The following SEC31A variants were observed in gnomAD, a reference collection of about 807,000 sequenced individuals.
The protein encoded by SEC31A is SEC31 homolog A, COPII component, also known as protein transport protein Sec31A.
SEC31A carries 70 observed loss-of-function variants against 151.0 expected under a neutral mutation model. The observed-to-expected ratio is 0.46, with a 90% confidence interval of 0.38 to 0.57. The LOEUF is 0.57. Ranked by LOEUF, SEC31A falls within the 20% of genes least tolerant of loss-of-function variation. SEC31A has a pLI of 0.00. For missense variants in SEC31A, 1,330 were observed against 1,471.2 expected, an observed-to-expected ratio of 0.90 and a Z score of 1.57; for synonymous variants, 475 against 505.9, an observed-to-expected ratio of 0.94 and a Z score of 0.82.
chr4:82,890,438 T>C (rs1442108266), intron 1 of SEC31A, among the ~76,000 whole-genome samples: 1 of 152,170 alleles, frequency 6.6e-6, no homozygotes, highest in African/African-American at 2.4e-5. Flanking sequence ...CTACGTAAAA[T>C]TAATTCCTTA....
rs1722802309 is a variant in SEC31A at position 82,819,244 on chromosome 4, T to C, written c.3493A>G (p.Thr1165Ala). 3.2e-6 allele frequency: 5 copies of C among 1,571,280 alleles called. No homozygotes were observed. Among genetic ancestry groups the C allele is most frequent in the South Asian group, 1.2e-5 (1 of 81,418 alleles). ...ATGTTGTGTAAACCACTGGTGATTG[T>C]TGGTGAAAGCTGAAACAAAAGTGAA... ...DKLREQTLSP[T>A]ITSGLHNIAR... The change falls in exon 27 of 27, where the codon ACA (threonine) becomes GCA (alanine). Residue 1165 changes from threonine (T) to alanine (A), a missense_variant. By Grantham distance (58) the Thr-to-Ala change is moderately conservative. Transcript: ENST00000395310.
At chr4:82,849,011 G>A in intron 19 of SEC31A, 34 bp from the exon 20 acceptor site, 1 of 1,587,728 alleles carries the variant, frequency 6.3e-7, no homozygotes, top group Non-Finnish European at 8.6e-7. Flanking sequence ...AGACTGTTGA[G>A]AGTTCACCCA....
At chr4:82,822,500 T>A (rs949510189) in intron 25 of SEC31A, among the ~76,000 whole-genome samples, 1 of 152,178 alleles carries the variant, frequency 6.6e-6, no homozygotes, top group African/African-American at 2.4e-5. Flanking sequence ...AATGCCAGTG[T>A]GCTTGGAGAA....
chr4:82,819,514 C>T (rs1021349433), intron 26 of SEC31A, among the ~76,000 whole-genome samples: 1 of 152,068 alleles, frequency 6.6e-6, no homozygotes, highest in African/African-American at 2.4e-5. Context: ...AAAAGCAGCC[C>T]GATTTCCTCT....
chr4:82,885,317 G>A (rs1368304016), intron 1 of SEC31A, among the ~76,000 whole-genome samples: 1 of 151,582 alleles, frequency 6.6e-6, no homozygotes, highest in Non-Finnish European at 1.5e-5. Flanking sequence ...AATATCTTTG[G>A]GTAATAATTT....
chr4:82,895,435 A>T (rs1161869759), upstream of SEC31A: 1 of 152,238 alleles, frequency 6.6e-6, no homozygotes, highest in Admixed American at 6.5e-5. Flanking sequence ...GCGCCGCTGC[A>T]CTCCAGCCTG....
chr4:82,860,954 C>A (rs1475065158), intron 14 of SEC31A, among the ~76,000 whole-genome samples: 1 of 150,724 alleles, frequency 6.6e-6, no homozygotes, highest in East Asian at 1.9e-4. Flanking sequence ...CAAGATATCA[C>A]AAAGAACAAT....
At chr4:82,868,672 C>T (rs1735947937) in intron 8 of SEC31A, among the ~76,000 whole-genome samples, 1 of 152,208 alleles carries the variant, frequency 6.6e-6, no homozygotes, top group East Asian at 1.9e-4. Context: ...TTAACTCTGG[C>T]TTCATGTGAC....
At position 82,861,625 on chromosome 4, in the gene SEC31A, A is replaced by G. The variant is rs1411290017; in HGVS notation, c.1626+6T>C. Reference sequence around the variant, plus strand: ...GTCCAATATAATATGAAAAAAAAATAAGTACCTCTCCCAAGAGCTGCTCTT... The same window carrying G: ...GTCCAATATAATATGAAAAAAAAATGAGTACCTCTCCCAAGAGCTGCTCTT... On this transcript the variant is annotated splice_donor_region_variant and intron_variant, in intron 14 of 26. Coordinates refer to ENST00000395310, the MANE Select transcript of SEC31A (RefSeq NM_001077207.4). 1.9e-6 allele frequency: 3 copies of G among 1,583,854 alleles called. No homozygotes were observed. Among genetic ancestry groups the G allele is most frequent in the Admixed American group, 1.7e-5 (1 of 58,030 alleles).
At chr4:82,882,318 G>T (rs970615990) in intron 1 of SEC31A, among the ~76,000 whole-genome samples, 2 of 147,880 alleles carry the variant, frequency 1.4e-5, no homozygotes, top group African/African-American at 5.1e-5. Flanking sequence ...CAGGAGAATG[G>T]CATGACCCGG....
At chr4:82,898,357 G>GA (rs538544324) in intron 3 of SEC31A, among the ~76,000 whole-genome samples, 3 of 151,334 alleles carry the variant, frequency 2.0e-5, no homozygotes, top group East Asian at 1.9e-4. Flanking sequence ...ATACAACTAA[G>GA]AAAAAAAAAT....
At chr4:82,821,912 A>C (rs762831542) in intron 25 of SEC31A, among the ~76,000 whole-genome samples, 2 of 152,200 alleles carry the variant, frequency 1.3e-5, no homozygotes, top group Non-Finnish European at 2.9e-5. Context: ...ACATTTGTTT[A>C]ATCCTGCCTT....
At chr4:82,880,568 T>C (rs574439868) in intron 3 of SEC31A, 12 of 333,740 alleles carry the variant, frequency 3.6e-5, no homozygotes, top group African/African-American at 2.6e-4. Flanking sequence ...CAGCCTGAGC[T>C]ATGAAGTAAG....
At chr4:82,836,605 G>A (rs1327132475) in intron 22 of SEC31A, among the ~76,000 whole-genome samples, 2 of 151,998 alleles carry the variant, frequency 1.3e-5, no homozygotes, top group East Asian at 3.9e-4. Flanking sequence ...AGTCAAAAAA[G>A]CCAAACACAA....
intron 14 of SEC31A, chr4:82,857,992 A>C (rs919159153): frequency 2.7e-6 from 1 of 372,118 alleles, no homozygotes; most frequent in African/African-American, 2.2e-5. Context: ...ATACTGGTTA[A>C]ACAGGCTGGG....
At chr4:82,848,173 T>TA (rs148574099) in intron 20 of SEC31A, among the ~76,000 whole-genome samples, 42,047 of 151,954 alleles carry the variant, frequency 0.28, 6,854 homozygotes, top group East Asian at 0.49. Flanking sequence ...TGTGAAACAG[T>TA]AAAAAATAGT....
At chr4:82,882,711 G>A (rs1024636538) in intron 1 of SEC31A, among the ~76,000 whole-genome samples, 2 of 152,298 alleles carry the variant, frequency 1.3e-5, no homozygotes, top group Middle Eastern at 3.4e-3. Context: ...ACATATTAGA[G>A]AGAATATAGT....
chr4:82,854,266 G>A (rs1341851447), intron 17 of SEC31A, among the ~76,000 whole-genome samples: 1 of 151,714 alleles, frequency 6.6e-6, no homozygotes, highest in African/African-American at 2.4e-5. Flanking sequence ...GGGAGGTTGA[G>A]GCAGGAGAAT....
intron 22 of SEC31A, among the ~76,000 whole-genome samples, chr4:82,841,442 T>TATATATA (rs1728733052): frequency 1.7e-4 from 11 of 64,460 alleles, no homozygotes; most frequent in Admixed American, 5.1e-4. Flanking sequence ...AAAAAAAATT[T>TATATATA]TATATATATA....
Sources: gnomAD v4.1 joint callset for allele counts (sites outside exome capture counted in the v4.1 genomes callset) on GRCh38, gnomAD v4.1.1 for gene constraint, MANE v1.5 for transcripts, NCBI Gene and HGNC (gene_info 2026-07-23, HGNC 2026-07-21) for gene names.